Variants in FGGY observed in about 807,000 individuals in gnomAD.
FGGY encodes FGGY carbohydrate kinase domain-containing protein.
A neutral mutation model predicts 71.3 loss-of-function variants in FGGY; 72 were observed. The ratio of observed to expected loss-of-function variants is 1.01; its 90% CI spans 0.84 to 1.23. The LOEUF is 1.23. FGGY is among the 50% of genes most tolerant of loss of function. The pLI is 0.00. For missense variants in FGGY, 668 were observed against 682.3 expected, an observed-to-expected ratio of 0.98 and a Z score of 0.23; for synonymous variants, 251 against 250.3, an observed-to-expected ratio of 1.00 and a Z score of -0.02.
chr1:59,429,299 A>C (rs1340261077), intron 5 of FGGY, among the ~76,000 whole-genome samples: 3 of 152,062 alleles, frequency 2.0e-5, no homozygotes, highest in Admixed American at 6.6e-5. Context: ...ATAAATATAC[A>C]TGAGGAGATT....
intron 1 of FGGY, 35 bp downstream of exon 1, chr1:59,297,185 A>G (rs1473975864): frequency 6.6e-6 from 1 of 152,332 alleles, no homozygotes; most frequent in Non-Finnish European, 1.5e-5. Context: ...AAGGGAAGGG[A>G]AGGGTCGGCC....
chr1:59,528,749 C>T (rs1470403935), intron 7 of FGGY, among the ~76,000 whole-genome samples: 2 of 152,058 alleles, frequency 1.3e-5, no homozygotes, highest in Admixed American at 1.3e-4. Flanking sequence ...CTTTATATGC[C>T]TTCTGGATTG....
At chr1:59,656,193 G>A (rs775122627) in intron 11 of FGGY, among the ~76,000 whole-genome samples, 1 of 152,140 alleles carries the variant, frequency 6.6e-6, no homozygotes, top group Non-Finnish European at 1.5e-5. Flanking sequence ...ACATTTGTCT[G>A]TCTCGCCCAA....
intron 5 of FGGY, among the ~76,000 whole-genome samples, chr1:59,381,195 C>A (rs2059389633): frequency 6.6e-6 from 1 of 152,068 alleles, no homozygotes. Context: ...GTTACTGTAG[C>A]CTTGTAATAT....
intron 5 of FGGY, among the ~76,000 whole-genome samples, chr1:59,410,632 C>T (rs945541817): frequency 6.6e-6 from 1 of 152,170 alleles, no homozygotes; most frequent in Admixed American, 6.5e-5. Flanking sequence ...GTCCTACCAA[C>T]CATCTGGTTA....
chr1:59,297,358 C>T (rs1376927444), intron 1 of FGGY, among the ~76,000 whole-genome samples: 5 of 152,206 alleles, frequency 3.3e-5, no homozygotes, highest in African/African-American at 1.2e-4. Context: ...GTCTGGCTAC[C>T]GAAGGCATTT....
At chr1:59,606,577 G>A (rs1212477677) in intron 8 of FGGY, among the ~76,000 whole-genome samples, 1 of 151,996 alleles carries the variant, frequency 6.6e-6, no homozygotes, top group African/African-American at 2.4e-5. Context: ...GTCTATAGTT[G>A]ATTGATTTAA....
chr1:59,348,220 A>G (rs575935679), intron 4 of FGGY, among the ~76,000 whole-genome samples: 2 of 152,322 alleles, frequency 1.3e-5, no homozygotes, highest in Non-Finnish European at 2.9e-5. Context: ...TCCAATGAGA[A>G]AGCAGCCGAG....
At chr1:59,743,631 G>A (rs1034730021) in intron 14 of FGGY, among the ~76,000 whole-genome samples, 1 of 150,196 alleles carries the variant, frequency 6.7e-6, no homozygotes, top group African/African-American at 2.4e-5. Context: ...CACATCATGT[G>A]CCTATCTATA....
At chr1:59,631,469 A>G (rs1455662107) in intron 10 of FGGY, among the ~76,000 whole-genome samples, 1 of 152,230 alleles carries the variant, frequency 6.6e-6, no homozygotes, top group Non-Finnish European at 1.5e-5. Context: ...CTATGAGTAC[A>G]ATATTCTAAA....
chr1:59,681,091 A>G (rs776064287), intron 14 of FGGY: 1 of 152,212 alleles, frequency 6.6e-6, no homozygotes, highest in Non-Finnish European at 1.5e-5. Flanking sequence ...GTTTGCTTTT[A>G]ATCATAATAT....
chr1:59,374,247 A>G (rs1177221922), intron 4 of FGGY, among the ~76,000 whole-genome samples: 1 of 152,256 alleles, frequency 6.6e-6, no homozygotes, highest in Admixed American at 6.5e-5. Context: ...GGTGCAGGAC[A>G]TGAACAGACA....
chr1:59,607,388 T>C (rs2096633804), intron 8 of FGGY, among the ~76,000 whole-genome samples: 1 of 152,198 alleles, frequency 6.6e-6, no homozygotes, highest in African/African-American at 2.4e-5. Context: ...CACATCTGCC[T>C]CATTCTCTTG....
chr1:59,633,089 C>G (rs1055480069), intron 10 of FGGY, among the ~76,000 whole-genome samples: 2 of 150,972 alleles, frequency 1.3e-5, no homozygotes, highest in Non-Finnish European at 2.9e-5. Flanking sequence ...CAGCTCACTG[C>G]AAGCTCTGCC....
chr1:59,554,612 T>A (rs1367511282), intron 8 of FGGY, among the ~76,000 whole-genome samples: 1 of 152,126 alleles, frequency 6.6e-6, no homozygotes, highest in Non-Finnish European at 1.5e-5. Context: ...CAGGGAACTC[T>A]CTCTCAATCA....
At chr1:59,425,554 A>G (rs2066206780) in intron 5 of FGGY, among the ~76,000 whole-genome samples, 1 of 152,220 alleles carries the variant, frequency 6.6e-6, no homozygotes, top group Admixed American at 6.5e-5. Flanking sequence ...TCTTCCAGTG[A>G]CAAACCGCAT....
intron 8 of FGGY, among the ~76,000 whole-genome samples, chr1:59,580,200 A>G (rs1422162138): frequency 1.3e-5 from 2 of 152,148 alleles, no homozygotes; most frequent in East Asian, 1.9e-4. Context: ...TTATCGTCCT[A>G]CGCTCCACTG....
At chr1:59,395,397 C>T (rs1478888145) in intron 5 of FGGY, among the ~76,000 whole-genome samples, 1 of 152,132 alleles carries the variant, frequency 6.6e-6, no homozygotes, top group East Asian at 1.9e-4. Context: ...GATCTCCAAT[C>T]TGTAATGACT....
At chr1:59,528,974 T>G (rs1194157735) in intron 7 of FGGY, among the ~76,000 whole-genome samples, 2 of 152,250 alleles carry the variant, frequency 1.3e-5, no homozygotes, top group African/African-American at 4.8e-5. Flanking sequence ...CAATAACTAT[T>G]TAAACACCTA....
Sources: allele counts gnomAD v4.1 joint callset (sites outside exome capture counted in the v4.1 genomes callset), GRCh38; gene constraint gnomAD v4.1.1; transcripts MANE v1.5; gene names NCBI Gene and HGNC (gene_info 2026-07-23, HGNC 2026-07-21).